The following GALNT16 variants were observed in gnomAD, a reference collection of about 807,000 sequenced individuals.
GALNT16 encodes polypeptide N-acetylgalactosaminyltransferase 16.
GALNT16 carries 40 observed loss-of-function variants against 76.1 expected under a neutral mutation model. That is an observed-to-expected ratio of 0.53 (90% CI 0.41 to 0.68). The LOEUF (loss-of-function observed/expected upper bound fraction) is 0.68, where lower values mean the gene tolerates loss of function less well. Among genes scored for constraint, GALNT16 ranks in the 30% least tolerant of loss-of-function variants. The pLI is 0.00. For synonymous variants in GALNT16, 276 were observed against 285.2 expected (o/e 0.97, Z 0.32); for missense variants, 621 against 731.9 (o/e 0.85, Z 1.75).
chr14:69,372,473 TTAG>T, the GALNT16 span, among the ~76,000 whole-genome samples: 1 of 151,630 alleles, frequency 6.6e-6, no homozygotes, highest in African/African-American at 2.4e-5. Flanking sequence ...CATAATTGTC[TTAG>T]TAGTGATCAT....
At chr14:69,342,446 G>A (rs936071975) in intron 12 of GALNT16, among the ~76,000 whole-genome samples, 2 of 115,628 alleles carry the variant, frequency 1.7e-5, no homozygotes, top group Admixed American at 1.8e-4. Flanking sequence ...GTGAGGGGAG[G>A]GAGGGAGGGA....
intron 11 of GALNT16, among the ~76,000 whole-genome samples, chr14:69,339,983 T>TAACA (rs2045466303): frequency 6.6e-6 from 1 of 152,246 alleles, no homozygotes; most frequent in South Asian, 2.1e-4. Context: ...CCTATTTTCC[T>TAACA]GTCATGGACT....
At chr14:69,329,592 T>C (rs2045327402) in intron 6 of GALNT16, among the ~76,000 whole-genome samples, 1 of 152,146 alleles carries the variant, frequency 6.6e-6, no homozygotes, top group African/African-American at 2.4e-5. Flanking sequence ...CATTCTTGCA[T>C]TGCTATAAGG....
chr14:69,300,919 C>A (rs2044842474), intron 1 of GALNT16, among the ~76,000 whole-genome samples: 1 of 152,218 alleles, frequency 6.6e-6, no homozygotes, highest in South Asian at 2.1e-4. Context: ...AAATTGAATG[C>A]TTTTCAGCGG....
downstream of GALNT16, among the ~76,000 whole-genome samples, chr14:69,361,620 G>A (rs2045724312): frequency 6.6e-6 from 1 of 152,142 alleles, no homozygotes; most frequent in African/African-American, 2.4e-5. Context: ...TCCTTACATG[G>A]CTGATTCTTA....
chr14:69,260,210 A>G lies in GALNT16; in HGVS notation c.-81A>G. 1 of 1,055,906 alleles carries G rather than the reference A, an allele frequency of 9.5e-7. No homozygotes were observed. The highest frequency in any genetic ancestry group is 1.3e-5 in the South Asian group (1 of 77,430). The allele number at this position is 1,055,906 out of a possible 1,614,324, so 65.4% of individuals were successfully genotyped here. On this transcript the variant is annotated 5_prime_UTR_variant, in exon 1 of 15. Coordinates refer to ENST00000448469, the MANE Select transcript of GALNT16 (RefSeq NM_001168368.2). ...CAGCTAGGCGCGAGCGAAAACAAAC[A>G]GCTGGGGCTGCGAGCGCCCCCGCCC...
rs143875535 is a variant in GALNT16 at position 69,274,375 on chromosome 14, A to T, written c.177+13908A>T. 3.4e-4 allele frequency among the ~76,000 whole-genome samples: 52 copies of T among 152,348 alleles called. No individual in the cohort carries two copies. In the East Asian group the frequency reaches 9.2e-3, roughly 27 times the overall value. Reference sequence around the variant, plus strand: ...TAATGACTTAAAACAATAATTATTTATTCTCTCTCATTGGGTCAAGGAATT... The same window carrying T: ...TAATGACTTAAAACAATAATTATTTTTTCTCTCTCATTGGGTCAAGGAATT... On this transcript the variant is annotated intron_variant, in intron 1 of 14. Coordinates refer to ENST00000448469, the MANE Select transcript of GALNT16 (RefSeq NM_001168368.2).
chr14:69,260,647 C>A, intron 1 of GALNT16, 180 bp downstream of exon 1: 1 of 336,962 alleles, frequency 3.0e-6, no homozygotes, highest in Non-Finnish European at 5.0e-6. Context: ...GGCGGCGGGG[C>A]TGGGGCGCAC....
chr14:69,273,000 A>G (rs1371802050), intron 1 of GALNT16, among the ~76,000 whole-genome samples: 1 of 152,242 alleles, frequency 6.6e-6, no homozygotes, highest in Non-Finnish European at 1.5e-5. Context: ...ATGACTGTAT[A>G]CAAAGTGAAG....
chr14:69,331,698 G>T, intron 7 of GALNT16, 147 bp downstream of exon 7: 2 of 652,000 alleles, frequency 3.1e-6, no homozygotes, highest in East Asian at 2.6e-5. Context: ...AGAAAATGAA[G>T]AGGGATTGGG....
chr14:69,268,701 T>A (rs2044369055), intron 1 of GALNT16, among the ~76,000 whole-genome samples: 1 of 151,988 alleles, frequency 6.6e-6, no homozygotes, highest in Non-Finnish European at 1.5e-5. Context: ...AACAGAAAGA[T>A]ATATTAGGTG....
intron 1 of GALNT16, among the ~76,000 whole-genome samples, chr14:69,304,549 T>C (rs2044904266): frequency 2.0e-5 from 3 of 152,336 alleles, no homozygotes; most frequent in Admixed American, 2.0e-4. Flanking sequence ...TACAGCAGAC[T>C]CTAGAGCTCA....
At chr14:69,371,264 T>C in the GALNT16 span, among the ~76,000 whole-genome samples, 1 of 151,834 alleles carries the variant, frequency 6.6e-6, no homozygotes, top group East Asian at 1.9e-4. Flanking sequence ...ATTTTTTTAT[T>C]TTTTTTTGAG....
chr14:69,333,220 G>A lies in GALNT16; in HGVS notation c.863+51G>A. On this transcript the variant is annotated intron_variant, in intron 8 of 14. Coordinates refer to ENST00000448469, the MANE Select transcript of GALNT16 (RefSeq NM_001168368.2). The surrounding 1 kb of genome is among the most constrained non-coding windows in gnomAD (Gnocchi z 4.2). ...GACCCCTTCCTTCCCTGGGTCAGGG[G>A]CCTGGGAGGCTCTTGGGAGGCTGTA... The A allele has an allele frequency of 7.9e-7, 1 of 1,263,454 alleles. No homozygotes were observed. Among genetic ancestry groups the A allele is most frequent in the Non-Finnish European group, 1.1e-6 (1 of 887,338 alleles). The allele number at this position is 1,263,454 out of a possible 1,614,324, so 78.3% of individuals were successfully genotyped here. A position where few individuals can be genotyped will look rare whatever the true frequency, so the allele number is the denominator to read the frequency against.
intron 2 of GALNT16, among the ~76,000 whole-genome samples, chr14:69,321,560 C>T (rs1313200055): frequency 6.6e-6 from 1 of 152,212 alleles, no homozygotes; most frequent in Admixed American, 6.5e-5. Context: ...AAGCACCACC[C>T]CCCGCTCCCC....
At chr14:69,286,981 C>A (rs1162322286) in intron 1 of GALNT16, among the ~76,000 whole-genome samples, 1 of 152,156 alleles carries the variant, frequency 6.6e-6, no homozygotes, top group Non-Finnish European at 1.5e-5. Context: ...GACCCGTCTA[C>A]CCCAGGCCTG....
At chr14:69,326,088 C>T in intron 5 of GALNT16, 61 bp downstream of exon 5, 1 of 1,243,074 alleles carries the variant, frequency 8.0e-7, no homozygotes, top group Non-Finnish European at 1.2e-6. Context: ...TGTGCACTTC[C>T]CCACTCTCTC....
intron 1 of GALNT16, among the ~76,000 whole-genome samples, chr14:69,284,564 C>T (rs541767368): frequency 1.3e-5 from 2 of 152,316 alleles, no homozygotes; most frequent in African/African-American, 4.8e-5. Flanking sequence ...GCACCTGCTT[C>T]GGTACAGGAA....
intron 1 of GALNT16, among the ~76,000 whole-genome samples, chr14:69,288,246 G>C (rs571126978): frequency 1.9e-3 from 296 of 152,246 alleles, no homozygotes; most frequent in Non-Finnish European, 3.4e-3. Flanking sequence ...ACAGACTAGG[G>C]CTGGAATCCA....
Sources: gnomAD v4.1 joint callset for allele counts (sites outside exome capture counted in the v4.1 genomes callset) on GRCh38, gnomAD v4.1.1 for gene constraint, Gnocchi (gnomAD v3.1) non-coding constraint, MANE v1.5 for transcripts, NCBI Gene and HGNC (gene_info 2026-07-23, HGNC 2026-07-21) for gene names.